The following TMEFF1 variants were observed in gnomAD, a reference collection of about 807,000 sequenced individuals.
TMEFF1 encodes the protein transmembrane protein with EGF like and two follistatin like domains 1, also known as tomoregulin-1.
Under a neutral mutation model 47.5 loss-of-function variants are expected in TMEFF1, and 20 were observed. That is an observed-to-expected ratio of 0.42 (90% confidence interval 0.30 to 0.61). The LOEUF is 0.61. TMEFF1 is among the 20% of genes least tolerant of loss of function. TMEFF1 has a pLI of 0.19. For missense variants in TMEFF1, 411 were observed against 471.1 expected (o/e 0.87, Z 1.18); for synonymous variants, 162 against 166.3 (o/e 0.97, Z 0.20).
chr9:100,509,152 C>A lies in TMEFF1; in HGVS notation c.436+18C>A. On this transcript the variant is annotated intron_variant, in intron 3 of 9. Coordinates refer to ENST00000374879, the MANE Select transcript of TMEFF1 (RefSeq NM_003692.5). ...CTACTCTGGTATGTATGATATTCTT[C>A]TGAATAAATTTTGGAAAATATGGTG... The A allele has an allele frequency of 6.9e-7, 1 of 1,459,252 alleles. No individual in the cohort carries two copies. The highest frequency in any genetic ancestry group is 9.1e-7 in the Non-Finnish European group (1 of 1,102,282). 90.4% of individuals were successfully genotyped at this position (1,459,252 alleles called of 1,614,324 possible). A position where few individuals can be genotyped will look rare whatever the true frequency, so the allele number is the denominator to read the frequency against.
In TMEFF1 at chr9:100,530,641, G is replaced by A. The variant is rs866310229; in HGVS notation, c.560+13870G>A. 4.1e-3 allele frequency among the ~76,000 whole-genome samples: 620 copies of A among 152,120 alleles called. 5 individuals are homozygous for A. The highest frequency in any genetic ancestry group is 0.014 in the African/African-American group (579 of 41,524). On this transcript the variant is annotated intron_variant, in intron 5 of 9. Transcript: ENST00000374879. ...TCCAGGACCAGATGGATTCACAGCC[G>A]AATTCTACCAGAGGTACAAGGAGGA...
At chr9:100,551,953 T>C (rs1337941852) in intron 7 of TMEFF1, among the ~76,000 whole-genome samples, 3 of 152,240 alleles carry the variant, frequency 2.0e-5, no homozygotes, top group Admixed American at 1.3e-4. Context: ...GAGTGAACCA[T>C]GAAGGACGAA....
intron 1 of TMEFF1, among the ~76,000 whole-genome samples, chr9:100,494,027 C>A (rs1837606462): frequency 1.3e-5 from 2 of 151,946 alleles, no homozygotes; most frequent in African/African-American, 4.8e-5. Context: ...ACAAAAAATA[C>A]AAAAATTAGC....
intron 2 of TMEFF1, among the ~76,000 whole-genome samples, chr9:100,508,764 A>G (rs1260251560): frequency 6.6e-6 from 1 of 152,056 alleles, no homozygotes; most frequent in African/African-American, 2.4e-5. Flanking sequence ...ATAGCAAGCA[A>G]ATGAAGTAGA....
intron 8 of TMEFF1, among the ~76,000 whole-genome samples, chr9:100,563,117 A>C (rs1412541327): frequency 6.6e-6 from 1 of 152,048 alleles, no homozygotes; most frequent in Non-Finnish European, 1.5e-5. Flanking sequence ...TGCCCAGCCT[A>C]ATTTTTTGCA....
intron 1 of TMEFF1, among the ~76,000 whole-genome samples, chr9:100,493,825 A>G (rs1837601548): frequency 6.6e-6 from 1 of 152,200 alleles, no homozygotes; most frequent in African/African-American, 2.4e-5. Context: ...CATTCAGAAG[A>G]TGATCCCAAA....
In TMEFF1 at chr9:100,498,862, A is replaced by G. The variant is rs889645316; in HGVS notation, c.294A>G (p.Ala98=). 4 of 1,613,018 alleles carry G rather than the reference A, an allele frequency of 2.5e-6. No individual in the cohort carries two copies. The highest frequency in any genetic ancestry group is 1.1e-5 in the South Asian group (1 of 90,762). ...AAGATGGAGATGGTTTGAAATGTGC[A>G]TGCCAATTTCAGGTGAGGAAACCCA... ...CKEDGDGLKC[A]CQFQCHTNYI... is the part of the protein sequence containing the mutation. The change falls in exon 2 of 10, where the codon GCA becomes GCG. Residue 98 remains alanine, a synonymous_variant. Coordinates refer to ENST00000374879, the MANE Select transcript of TMEFF1 (RefSeq NM_003692.5).
intron 1 of TMEFF1, among the ~76,000 whole-genome samples, chr9:100,496,487 G>A (rs920463577): frequency 7.9e-5 from 12 of 152,198 alleles, no homozygotes; most frequent in African/African-American, 2.9e-4. Context: ...TGATCCACCT[G>A]GCTCAGCCTC....
At chr9:100,546,445 T>G (rs1838734190) in intron 5 of TMEFF1, among the ~76,000 whole-genome samples, 4 of 148,256 alleles carry the variant, frequency 2.7e-5, no homozygotes, top group Admixed American at 2.7e-4. Flanking sequence ...CCCCACCAGG[T>G]TCCTCCCACA....
At chr9:100,538,934 T>C (rs1053491946) in intron 5 of TMEFF1, among the ~76,000 whole-genome samples, 1 of 152,110 alleles carries the variant, frequency 6.6e-6, no homozygotes, top group African/African-American at 2.4e-5. Flanking sequence ...AGACAGAGTT[T>C]TGCTCTGTCG....
chr9:100,477,907 A>G lies in TMEFF1; in HGVS notation c.196+4167A>G, dbSNP rs529844873. ...CTTCCAAAGTGCTAGGATTACAGGC[A>G]TGAGCCACTGCGCCCGGCCTGCATT... On this transcript the variant is annotated intron_variant, in intron 1 of 9. Coordinates refer to ENST00000374879, the MANE Select transcript of TMEFF1 (RefSeq NM_003692.5). Among the ~76,000 whole-genome samples, 13 of 152,248 alleles carry G rather than the reference A, an allele frequency of 8.5e-5. No individual in the cohort carries two copies. The East Asian group carries it at 1.7e-3, about 20-fold the overall frequency.
At chr9:100,544,531 G>A (rs1365279245) in intron 5 of TMEFF1, among the ~76,000 whole-genome samples, 1 of 152,184 alleles carries the variant, frequency 6.6e-6, no homozygotes, top group Non-Finnish European at 1.5e-5. Context: ...CGACACGTGG[G>A]AATTGTGGGA....
At chr9:100,475,523 A>G (rs1010689236) in intron 1 of TMEFF1, among the ~76,000 whole-genome samples, 2 of 152,234 alleles carry the variant, frequency 1.3e-5, no homozygotes, top group African/African-American at 2.4e-5. Context: ...CACCATGTCA[A>G]TATTTTTCCA....
chr9:100,497,270 T>A (rs1265584745), intron 1 of TMEFF1, among the ~76,000 whole-genome samples: 1 of 148,826 alleles, frequency 6.7e-6, no homozygotes, highest in African/African-American at 2.5e-5. Context: ...ACAGTAAGAA[T>A]AACAAAATGC....
Position 100,572,572 on chromosome 9 carries a change from C to T in TMEFF1, c.954C>T (p.Leu318=). The part of the protein sequence containing the change: ...QHCEKTDFSI[L]YVVPSRQKLT... ...GTGAAAAGACAGACTTTAGTATTCT[C>T]TATGTAGTGCCAAGTAGGCAAAAGC... The change falls in exon 9 of 10, where the codon CTC becomes CTT. Residue 318 remains leucine, a synonymous_variant. Coordinates refer to ENST00000374879, the MANE Select transcript of TMEFF1 (RefSeq NM_003692.5). 6.2e-7 allele frequency: 1 copy of T among 1,613,536 alleles called. No individual in the cohort carries two copies. The highest frequency in any genetic ancestry group is 8.5e-7 in the Non-Finnish European group (1 of 1,179,714).
rs767265770 is a variant in TMEFF1, at chr9:100,473,555, C to T, written c.11C>T (p.Ala4Val). 124 of 1,526,254 alleles carry T rather than the reference C, an allele frequency of 8.1e-5. No individual in the cohort carries two copies. Among genetic ancestry groups the T allele is most frequent in the Non-Finnish European group, 1.0e-4 (117 of 1,139,502 alleles). 94.5% of individuals were successfully genotyped at this position (1,526,254 alleles called of 1,614,324 possible). Residue 4 changes from alanine (A) to valine (V), a missense_variant, in exon 1 of 10, where the codon GCA (alanine) becomes GTA (valine). Physicochemically the swap from Ala to Val is moderately conservative, Grantham distance 64. Transcript: ENST00000374879. The surrounding 1 kb of genome is among the most constrained non-coding windows in gnomAD (Gnocchi z 5.4). MGA[A>V]AAEAPLRLPA... ...CCAGGGGCACCAGTCATGGGCGCCGCAGCCGCTGAGGCGCCGCTCCGGCTG... is the reference window on the plus strand; with the variant it reads ...CCAGGGGCACCAGTCATGGGCGCCGTAGCCGCTGAGGCGCCGCTCCGGCTG...
intron 8 of TMEFF1, among the ~76,000 whole-genome samples, chr9:100,571,834 G>A (rs1010461612): frequency 6.6e-6 from 1 of 152,136 alleles, no homozygotes; most frequent in Non-Finnish European, 1.5e-5. Context: ...GATGGGGGAC[G>A]GTGACAGATC....
chr9:100,502,845 C>T (rs891441808), intron 2 of TMEFF1, among the ~76,000 whole-genome samples: 1 of 152,162 alleles, frequency 6.6e-6, no homozygotes, highest in African/African-American at 2.4e-5. Context: ...GGAGTTGACA[C>T]CATTAGACAT....
intron 1 of TMEFF1, among the ~76,000 whole-genome samples, chr9:100,485,582 C>T (rs1403065075): frequency 6.6e-6 from 1 of 151,894 alleles, no homozygotes. Context: ...CTTCATTTTC[C>T]CTATATATGT....
Sources: allele counts gnomAD v4.1 joint callset (sites outside exome capture counted in the v4.1 genomes callset), GRCh38; gene constraint gnomAD v4.1.1; non-coding constraint Gnocchi (gnomAD v3.1); transcripts MANE v1.5; gene names NCBI Gene and HGNC (gene_info 2026-07-23, HGNC 2026-07-21).